NRXN1: variants seen among roughly 807,000 people sequenced by gnomAD.
The protein encoded by NRXN1 is neurexin 1, also known as neurexin-1.
NRXN1 carries 39 observed loss-of-function variants against 150.9 expected under a neutral mutation model. That is an observed-to-expected ratio of 0.26 (90% confidence interval 0.20 to 0.34). The LOEUF is 0.34. NRXN1 is among the 10% of genes least tolerant of loss of function. The pLI is 1.00. For missense variants in NRXN1, 1,815 were observed against 1,949.9 expected (o/e 0.93, Z 1.30); for synonymous variants, 924 against 757.0 (o/e 1.22, Z -3.62).
chr2:50,586,583 C>A (rs1281756470), intron 8 of NRXN1, among the ~76,000 whole-genome samples: 1 of 151,772 alleles, frequency 6.6e-6, no homozygotes, highest in Admixed American at 6.6e-5. Flanking sequence ...AAAAAGTAGA[C>A]TAATCAAAAG....
chr2:50,601,672 A>G (rs1370341817), intron 8 of NRXN1, among the ~76,000 whole-genome samples: 2 of 152,136 alleles, frequency 1.3e-5, no homozygotes, highest in Non-Finnish European at 2.9e-5. Context: ...TCCATTAAGG[A>G]CTGTTTTTAG....
intron 8 of NRXN1, among the ~76,000 whole-genome samples, chr2:50,606,814 A>G (rs1677206865): frequency 6.6e-6 from 1 of 152,146 alleles, no homozygotes; most frequent in African/African-American, 2.4e-5. Flanking sequence ...CAGAAGTAAT[A>G]CTTAAAGAAA....
intron 17 of NRXN1, among the ~76,000 whole-genome samples, chr2:50,349,336 G>C (rs1433240162): frequency 6.6e-6 from 1 of 152,034 alleles, no homozygotes; most frequent in African/African-American, 2.4e-5. Flanking sequence ...CTTGCCCCCA[G>C]TCATTTCTTA....
At chr2:50,386,261 T>G (rs1438191572) in intron 17 of NRXN1, among the ~76,000 whole-genome samples, 1 of 152,138 alleles carries the variant, frequency 6.6e-6, no homozygotes, top group Non-Finnish European at 1.5e-5. Context: ...AAGTTAAAAA[T>G]TTCTGCACTT....
chr2:50,164,116 A>G (rs370572845), intron 18 of NRXN1, among the ~76,000 whole-genome samples: 31 of 152,306 alleles, frequency 2.0e-4, no homozygotes, highest in African/African-American at 7.5e-4. Flanking sequence ...TTCCATTATG[A>G]CCAATATCCT....
chr2:50,428,436 T>C (rs1388325988), intron 17 of NRXN1, among the ~76,000 whole-genome samples: 1 of 152,128 alleles, frequency 6.6e-6, no homozygotes, highest in Non-Finnish European at 1.5e-5. Flanking sequence ...AGGTAAATTG[T>C]AAGAACAAAA....
At chr2:50,312,362 T>C (rs544569236) in intron 17 of NRXN1, among the ~76,000 whole-genome samples, 159 of 151,994 alleles carry the variant, frequency 1.0e-3, no homozygotes, top group Non-Finnish European at 1.7e-3. Flanking sequence ...AGAAAACAAT[T>C]TTGCAGGCAC....
At chr2:50,833,528 C>T (rs1347172608) in intron 5 of NRXN1, among the ~76,000 whole-genome samples, 2 of 152,140 alleles carry the variant, frequency 1.3e-5, no homozygotes, top group African/African-American at 2.4e-5. Flanking sequence ...GTCAAGCTGA[C>T]AGAAACAAGC....
At chr2:50,329,664 TATATATATA>T (rs1157247210) in intron 17 of NRXN1, among the ~76,000 whole-genome samples, 661 of 25,926 alleles carry the variant, frequency 0.025, 13 homozygotes, top group African/African-American at 0.058. Context: ...TATATATATA[TATATATATA>T]TTTTTTTTTT....
chr2:50,702,243 C>A (rs1693840829), intron 5 of NRXN1, among the ~76,000 whole-genome samples: 1 of 151,936 alleles, frequency 6.6e-6, no homozygotes, highest in African/African-American at 2.4e-5. Flanking sequence ...CATATTTTCA[C>A]ATTGAACTCC....
intron 5 of NRXN1, among the ~76,000 whole-genome samples, chr2:50,789,660 C>T (rs1293423649): frequency 2.0e-5 from 3 of 151,968 alleles, no homozygotes; most frequent in East Asian, 3.9e-4. Flanking sequence ...AAGCTATAGA[C>T]ATCAGAAATT....
chr2:50,950,777 G>T (rs1465209551), intron 2 of NRXN1, among the ~76,000 whole-genome samples: 1 of 152,180 alleles, frequency 6.6e-6, no homozygotes, highest in African/African-American at 2.4e-5. Context: ...TAGGGTCCAT[G>T]CTAATAACTT....
At chr2:50,567,521 CTT>C (rs1386539103) in intron 8 of NRXN1, among the ~76,000 whole-genome samples, 2 of 151,984 alleles carry the variant, frequency 1.3e-5, no homozygotes, top group Non-Finnish European at 1.5e-5. Context: ...ATTTTTAAAA[CTT>C]AATAAGAAAA....
At chr2:50,270,941 G>A (rs1439884251) in intron 17 of NRXN1, among the ~76,000 whole-genome samples, 1 of 152,128 alleles carries the variant, frequency 6.6e-6, no homozygotes, top group African/African-American at 2.4e-5. Context: ...TTACAGGCAT[G>A]AGCCACTATG....
In NRXN1 at chr2:50,768,927, C is replaced by T. The variant is rs960628669; in HGVS notation, c.833-145312G>A. Among the ~76,000 whole-genome samples, 13 of 151,908 alleles carry T rather than the reference C, an allele frequency of 8.6e-5. 1 individual carries two copies. In the East Asian group the frequency reaches 2.3e-3, roughly 27 times the overall value. On this transcript the variant is annotated intron_variant, in intron 5 of 22. Coordinates refer to ENST00000401669, the MANE Select transcript of NRXN1 (RefSeq NM_001330078.2). Reference sequence around the variant, plus strand: ...CAACAACAACAACAACACACACACACACACACACATACACACACACACTCT... The same window carrying T: ...CAACAACAACAACAACACACACACATACACACACATACACACACACACTCT...
At chr2:50,494,292 T>C (rs1283962688) in intron 15 of NRXN1, among the ~76,000 whole-genome samples, 1 of 152,192 alleles carries the variant, frequency 6.6e-6, no homozygotes, top group Admixed American at 6.5e-5. Context: ...AGTTCACTTA[T>C]ACTTACTGAC....
chr2:49,989,982 AC>A (rs1168668481), intron 21 of NRXN1, among the ~76,000 whole-genome samples: 2 of 152,030 alleles, frequency 1.3e-5, no homozygotes, highest in African/African-American at 2.4e-5. Flanking sequence ...AATATCATCT[AC>A]CTGTGGGCTC....
chr2:49,968,014 A>T (rs935792106), intron 21 of NRXN1, among the ~76,000 whole-genome samples: 2 of 152,028 alleles, frequency 1.3e-5, no homozygotes, highest in Admixed American at 1.3e-4. Context: ...ATTGATGACC[A>T]TTCCAGTATC....
chr2:50,437,038 C>G (rs1260925126), intron 17 of NRXN1, among the ~76,000 whole-genome samples: 2 of 152,136 alleles, frequency 1.3e-5, no homozygotes, highest in Non-Finnish European at 2.9e-5. Context: ...TGACAATATG[C>G]TGCTAGAAAC....
Sources: gnomAD v4.1 joint callset for allele counts (sites outside exome capture counted in the v4.1 genomes callset) on GRCh38, gnomAD v4.1.1 for gene constraint, MANE v1.5 for transcripts, NCBI Gene and HGNC (gene_info 2026-07-23, HGNC 2026-07-21) for gene names.